Variants in CDC20 observed in about 807,000 individuals in gnomAD.
CDC20 encodes cell division cycle protein 20 homolog.
In CDC20, 34 loss-of-function variants were observed where a neutral mutation model predicts 60.0. That is an observed-to-expected ratio of 0.57 (90% CI 0.43 to 0.75). CDC20 has a LOEUF of 0.75. Ranked by LOEUF, CDC20 falls within the 30% of genes least tolerant of loss-of-function variation. CDC20 has a pLI of 0.00. For missense variants in CDC20, 469 were observed against 647.3 expected (o/e 0.72, Z 2.99); for synonymous variants, 198 against 243.5 (o/e 0.81, Z 1.74).
At chr1:43,361,607 G>C (rs140689744) in intron 9 of CDC20, among the ~76,000 whole-genome samples, 1 of 152,110 alleles carries the variant, frequency 6.6e-6, no homozygotes, top group Non-Finnish European at 1.5e-5. Flanking sequence ...ATTGACATCT[G>C]TCCCCTCCCC....
intron 5 of CDC20, 28 bp from the exon 6 acceptor site, chr1:43,360,165 C>T: frequency 1.9e-6 from 3 of 1,613,822 alleles, no homozygotes; most frequent in South Asian, 2.2e-5. Context: ...AACAAGGAAG[C>T]TCATGCTCTT....
chr1:43,358,997 G>T lies in CDC20; in HGVS notation c.-59G>T. 2 of 604,046 alleles carry T rather than the reference G, an allele frequency of 3.3e-6. No homozygotes were observed. The highest frequency in any genetic ancestry group is 2.0e-5 in the South Asian group (1 of 51,150). 37.4% of individuals were successfully genotyped at this position (604,046 alleles called of 1,614,324 possible). ...TGTTAAAGCCGGTCGGAACTGCTCCGGAGGGCACGGTGAGAGGTGGTGGGG... is the reference window on the plus strand; with the variant it reads ...TGTTAAAGCCGGTCGGAACTGCTCCTGAGGGCACGGTGAGAGGTGGTGGGG... On this transcript the variant is annotated 5_prime_UTR_variant, in exon 1 of 11. Coordinates refer to ENST00000310955, the MANE Select transcript of CDC20 (RefSeq NM_001255.3).
At chr1:43,361,075 T>C (rs1390806177) in intron 8 of CDC20, 45 bp from the exon 9 acceptor site, 2 of 1,612,918 alleles carry the variant, frequency 1.2e-6, no homozygotes, top group Non-Finnish European at 1.7e-6. Flanking sequence ...CTAGAGCTCC[T>C]TGTCTGGCTC....
intron 8 of CDC20, 74 bp downstream of exon 8, chr1:43,361,035 G>A (rs1647170574): frequency 3.7e-6 from 6 of 1,600,082 alleles, no homozygotes; most frequent in Non-Finnish European, 5.1e-6. Context: ...AGAAGGGATG[G>A]TAGGATTGGA....
Position 43,359,162 on chromosome 1 carries a change from T to C in CDC20, c.-49-5T>C. On this transcript the variant is annotated splice_polypyrimidine_tract_variant and splice_region_variant and intron_variant, in intron 1 of 10. Transcript: ENST00000310955. ...CCCTGAGCACCGTCGCCTCCTTTCC[T>C]CCAGGGCTCCGTAGGCACCAACTGC... The C allele has an allele frequency of 6.3e-7, 1 of 1,591,664 alleles. No homozygotes were observed. The highest frequency in any genetic ancestry group is 8.6e-7 in the Non-Finnish European group (1 of 1,162,454).
chr1:43,362,007 T>TTTAC (rs1190701827), intron 9 of CDC20, among the ~76,000 whole-genome samples, 188 bp from the exon 10 acceptor site: 1 of 152,218 alleles, frequency 6.6e-6, no homozygotes, highest in African/African-American at 2.4e-5. Flanking sequence ...GTAAACCCAC[T>TTTAC]GTAAAGGTAA....
In CDC20 at chr1:43,363,201, A is replaced by G; in HGVS notation, c.*72A>G. The G allele has an allele frequency of 7.2e-7, 1 of 1,394,792 alleles. No individual in the cohort carries two copies. The highest frequency in any genetic ancestry group is 1.0e-6 in the Non-Finnish European group (1 of 998,666). The allele number at this position is 1,394,792 out of a possible 1,614,324, so 86.4% of individuals were successfully genotyped here. A position where few individuals can be genotyped will look rare whatever the true frequency, so the allele number is the denominator to read the frequency against. ...ATGTCTCCCTTCATGTTTTTTTTTTAAATCTGTTTCAGCTAATGCCTTTCT... is the reference window on the plus strand; with the variant it reads ...ATGTCTCCCTTCATGTTTTTTTTTTGAATCTGTTTCAGCTAATGCCTTTCT... On this transcript the variant is annotated 3_prime_UTR_variant, in exon 11 of 11. Coordinates refer to ENST00000310955, the MANE Select transcript of CDC20 (RefSeq NM_001255.3).
At chr1:43,362,752 C>A (rs974200097) in intron 10 of CDC20, among the ~76,000 whole-genome samples, 199 bp from the exon 11 acceptor site, 1 of 152,172 alleles carries the variant, frequency 6.6e-6, no homozygotes, top group African/African-American at 2.4e-5. Flanking sequence ...GTAGTCCCAG[C>A]TACTCGGGAG....
At chr1:43,361,361 C>CATGAGTGAGAGCTGAG in intron 9 of CDC20, 116 bp downstream of exon 9, 4 of 1,032,638 alleles carry the variant, frequency 3.9e-6, no homozygotes, top group Non-Finnish European at 5.6e-6. Flanking sequence ...TAACTCAGCT[C>CATGAGTGAGAGCTGAG]TCACTCATGA....
chr1:43,360,407 C>A lies in CDC20; in HGVS notation c.753+18C>A. 6.2e-7 allele frequency: 1 copy of A among 1,612,840 alleles called. No homozygotes were observed. Among genetic ancestry groups the A allele is most frequent in the Non-Finnish European group, 8.5e-7 (1 of 1,178,776 alleles). On this transcript the variant is annotated intron_variant, in intron 6 of 10. Coordinates refer to ENST00000310955, the MANE Select transcript of CDC20 (RefSeq NM_001255.3). Reference sequence around the variant, plus strand: ...AGGTGCAGGTGAGACGTGTCCAGTGCTGTCATTCTCACCAGTCCCAATGGG... The same window carrying A: ...AGGTGCAGGTGAGACGTGTCCAGTGATGTCATTCTCACCAGTCCCAATGGG...
chr1:43,360,132 G>A (rs899148302), intron 5 of CDC20, 35 bp downstream of exon 5: 2 of 1,614,050 alleles, frequency 1.2e-6, no homozygotes, highest in Non-Finnish European at 1.7e-6. Context: ...CATGCATGGA[G>A]AAAGAGGGCC....
In CDC20 at chr1:43,361,150, G is replaced by A. The variant is rs1647171074; in HGVS notation, c.1108G>A (p.Val370Ile). 6.2e-7 allele frequency: 1 copy of A among 1,613,952 alleles called. No individual in the cohort carries two copies. Among genetic ancestry groups the A allele is most frequent in the African/African-American group, 1.3e-5 (1 of 74,880 alleles). Residue 370 changes from valine to isoleucine, a missense_variant, in exon 9 of 11, where the codon GTC (valine) becomes ATC (isoleucine). By Grantham distance (29) the Val-to-Ile change is conservative. Coordinates refer to ENST00000310955, the MANE Select transcript of CDC20 (RefSeq NM_001255.3). ...AGCATGGTGTCCCTGGCAGTCCAAT[G>A]TCCTGGCAACAGGAGGGGGCACCAG... ...AVAWCPWQSN[V>I]LATGGGTSDR...
At chr1:43,362,039 G>A (rs1647174944) in intron 9 of CDC20, among the ~76,000 whole-genome samples, 156 bp from the exon 10 acceptor site, 1 of 152,238 alleles carries the variant, frequency 6.6e-6, no homozygotes, top group Admixed American at 6.5e-5. Flanking sequence ...ATCAGCGAGT[G>A]TCTATAATTT....
rs1647171503 is a variant in CDC20 at position 43,361,252 on chromosome 1, T to C, written c.1203+7T>C. On this transcript the variant is annotated splice_region_variant and intron_variant, in intron 9 of 10. Coordinates refer to ENST00000310955, the MANE Select transcript of CDC20 (RefSeq NM_001255.3). ...CGTGGATGCCCATTCCCAGGTAATCTTTTGCCTGTTCCTGCCTCTCCCACA... is the reference window on the plus strand; with the variant it reads ...CGTGGATGCCCATTCCCAGGTAATCCTTTGCCTGTTCCTGCCTCTCCCACA... The C allele has an allele frequency of 1.9e-6, 3 of 1,587,978 alleles. No individual in the cohort carries two copies. The highest frequency in any genetic ancestry group is 2.7e-5 in the African/African-American group (2 of 74,408).
In CDC20 at chr1:43,359,357, C is replaced by G. The variant is rs1390520006; in HGVS notation, c.142C>G (p.Arg48Gly). 1 of 1,613,164 alleles carries G rather than the reference C, an allele frequency of 6.2e-7. No homozygotes were observed. The highest frequency in any genetic ancestry group is 1.1e-5 in the South Asian group (1 of 91,010). The change falls in exon 2 of 11, where the codon CGA (arginine) becomes GGA (glycine). Residue 48 changes from arginine to glycine, a missense_variant. Physicochemically the swap from Arg to Gly is moderately radical, Grantham distance 125. Coordinates refer to ENST00000310955, the MANE Select transcript of CDC20 (RefSeq NM_001255.3). ...PAPSPMRAAN[R>G]SHSAGRTPGR... ...CCCCTCACCCATGCGGGCCGCCAACCGATCCCACAGCGCCGGCAGGACTCC... is the reference window on the plus strand; with the variant it reads ...CCCCTCACCCATGCGGGCCGCCAACGGATCCCACAGCGCCGGCAGGACTCC...
chr1:43,360,999 C>T (rs749882808), intron 8 of CDC20, 38 bp downstream of exon 8: 15 of 1,593,354 alleles, frequency 9.4e-6, no homozygotes, highest in Non-Finnish European at 1.2e-5. Flanking sequence ...CAGACCCTCA[C>T]CTATAATCTG....
Position 43,361,016 on chromosome 1 carries a change from G to A in CDC20, c.1077+55G>A, listed in dbSNP as rs1035736308. ...GACCCTCACCTATAATCTGGGGACT[G>A]TTAAGGGGAGAAGGGATGGTAGGAT... is the stretch of plus-strand genomic sequence containing the variant. On this transcript the variant is annotated intron_variant, in intron 8 of 10. Coordinates refer to ENST00000310955, the MANE Select transcript of CDC20 (RefSeq NM_001255.3). 175 of 1,595,686 alleles carry A rather than the reference G, an allele frequency of 1.1e-4. 1 individual carries two copies. The African/African-American group carries it at 1.9e-3, about 18-fold the overall frequency.
rs1031692055 is a variant in CDC20, at chr1:43,362,439, A to G, written c.1321+127A>G. 1.6e-5 allele frequency: 10 copies of G among 611,248 alleles called. No individual in the cohort carries two copies. The Admixed American group carries it at 2.3e-4, about 14-fold the overall frequency. The allele number at this position is 611,248 out of a possible 1,614,324, so 37.9% of individuals were successfully genotyped here. On this transcript the variant is annotated intron_variant, in intron 10 of 10. Coordinates refer to ENST00000310955, the MANE Select transcript of CDC20 (RefSeq NM_001255.3). ...AGGGGCTGAGAGAGGGTAATGGGAA[A>G]TGTTGAAAATGTCTTAGAATTAGTT...
chr1:43,361,855 A>T (rs980740122), intron 9 of CDC20, among the ~76,000 whole-genome samples: 1 of 152,198 alleles, frequency 6.6e-6, no homozygotes, highest in South Asian at 2.1e-4. Flanking sequence ...TATGGACTCT[A>T]GAGCCAGATG....
Sources: allele counts gnomAD v4.1 joint callset (sites outside exome capture counted in the v4.1 genomes callset), GRCh38; gene constraint gnomAD v4.1.1; transcripts MANE v1.5; gene names NCBI Gene and HGNC (gene_info 2026-07-23, HGNC 2026-07-21).